The following AREL1 variants were observed in gnomAD, a reference collection of about 807,000 sequenced individuals.
AREL1 encodes apoptosis resistant E3 ubiquitin protein ligase 1.
Under a neutral mutation model 99.0 loss-of-function variants are expected in AREL1, and 62 were observed. The observed-to-expected ratio is 0.63, with a 90% CI of 0.51 to 0.77. The LOEUF is 0.77. Ranked by LOEUF, AREL1 falls within the 30% of genes least tolerant of loss-of-function variation. The pLI, the probability that AREL1 is intolerant of heterozygous loss-of-function variation, is 0.00. For missense variants in AREL1, 879 were observed against 1,027.6 expected, an observed-to-expected ratio of 0.86 and a Z score of 1.98; for synonymous variants, 380 against 376.5, an observed-to-expected ratio of 1.01 and a Z score of -0.11.
chr14:74,677,679 T>C (rs1266307195), intron 5 of AREL1, among the ~76,000 whole-genome samples: 1 of 151,820 alleles, frequency 6.6e-6, no homozygotes, highest in Non-Finnish European at 1.5e-5. Context: ...ATTTTTGTAT[T>C]TTTAGTAGAG....
Position 74,670,746 on chromosome 14 carries a change from C to T in AREL1, c.1608+16G>A. 1 of 1,610,416 alleles carries T rather than the reference C, an allele frequency of 6.2e-7. No homozygotes were observed. The highest frequency in any genetic ancestry group is 8.5e-7 in the Non-Finnish European group (1 of 1,176,696). On this transcript the variant is annotated intron_variant, in intron 13 of 19. Transcript: ENST00000356357. The stretch of plus-strand genomic sequence containing the variant: ...TAACATAATCCACATTTTCCACCCA[C>T]CCGTCACCAACTCACTAATGCTTGG...
Position 74,663,426 on chromosome 14 carries a change from CAGCTACTGAG to C in AREL1, c.*284_*293del, listed in dbSNP as rs2089130847. On this transcript the variant is annotated 3_prime_UTR_variant, in exon 20 of 20. Transcript: ENST00000356357. ...GCTGAGCCCCGTGTGCCATCTCCCT[CAGCTACTGAG>C]ATCTTCAAAGGACCAAATAAATGAT... 2.5e-6 allele frequency: 1 copy of C among 405,406 alleles called. No individual in the cohort carries two copies. 25.1% of individuals were successfully genotyped at this position (405,406 alleles called of 1,614,324 possible).
chr14:74,704,499 C>A (rs2090140397), intron 1 of AREL1, among the ~76,000 whole-genome samples: 1 of 151,888 alleles, frequency 6.6e-6, no homozygotes, highest in Non-Finnish European at 1.5e-5. Flanking sequence ...ATTAGCCCTT[C>A]CAAAGAAGGC....
intron 11 of AREL1, 126 bp downstream of exon 11, chr14:74,672,705 A>C: frequency 7.4e-7 from 1 of 1,353,044 alleles, no homozygotes; most frequent in Non-Finnish European, 1.0e-6. Flanking sequence ...TCTGCACCCC[A>C]GCCTGGGCAA....
intron 17 of AREL1, among the ~76,000 whole-genome samples, chr14:74,667,002 G>A (rs1292435268): frequency 1.3e-5 from 2 of 152,114 alleles, no homozygotes; most frequent in African/African-American, 4.8e-5. Context: ...TTACAGAAGT[G>A]AGCCACCATG....
chr14:74,688,913 T>G (rs2089806970), intron 2 of AREL1, among the ~76,000 whole-genome samples: 1 of 152,196 alleles, frequency 6.6e-6, no homozygotes, highest in South Asian at 2.1e-4. Flanking sequence ...CTTGGCTCTC[T>G]GCAACCTCCA....
intron 4 of AREL1, 42 bp from the exon 5 acceptor site, chr14:74,683,575 A>G (rs558891917): frequency 5.0e-4 from 787 of 1,587,350 alleles, no homozygotes; most frequent in Non-Finnish European, 6.5e-4. Flanking sequence ...CAAGCAGAGG[A>G]AAAAAACATT....
chr14:74,685,216 T>C (rs1038676612), intron 3 of AREL1, among the ~76,000 whole-genome samples: 3 of 152,184 alleles, frequency 2.0e-5, no homozygotes, highest in Non-Finnish European at 2.9e-5. Context: ...CCCTCCCTTG[T>C]GTACTTGGCA....
chr14:74,686,543 C>T (rs570261828), intron 2 of AREL1, among the ~76,000 whole-genome samples: 61 of 152,306 alleles, frequency 4.0e-4, no homozygotes, highest in Middle Eastern at 3.4e-3. Context: ...TTCAAGTCAG[C>T]GTACACTAAG....
intron 5 of AREL1, among the ~76,000 whole-genome samples, chr14:74,681,571 G>A (rs769736747): frequency 1.3e-5 from 2 of 151,964 alleles, no homozygotes; most frequent in East Asian, 1.9e-4. Flanking sequence ...TCAGGAGATC[G>A]AGACCATCCT....
intron 8 of AREL1, 57 bp from the exon 9 acceptor site, chr14:74,674,168 G>A (rs1190649812): frequency 1.4e-6 from 2 of 1,397,148 alleles, no homozygotes; most frequent in African/African-American, 2.8e-5. Context: ...GCTCTATTTG[G>A]GTATTCTAAT....
chr14:74,664,069 C>T lies in AREL1; in HGVS notation c.2199G>A (p.Met733Ile). The T allele has an allele frequency of 1.2e-6, 2 of 1,613,018 alleles. No homozygotes were observed. Among genetic ancestry groups the T allele is most frequent in the Non-Finnish European group, 1.7e-6 (2 of 1,179,386 alleles). ...GGSWHFREKV[M>I]RWFWTVVSSL... ...TGGAAACCACAGTCCAAAACCACCT[C>T]ATGACCTGGCAGGGAGAGCACAAGG... The change falls in exon 19 of 20, where the codon ATG (methionine) becomes ATA (isoleucine). Residue 733 changes from methionine to isoleucine, a missense_variant. Met to Ile is a conservative substitution (Grantham distance 10). Coordinates refer to ENST00000356357, the MANE Select transcript of AREL1 (RefSeq NM_001039479.2).
intron 5 of AREL1, among the ~76,000 whole-genome samples, chr14:74,680,197 GAAAGA>G (rs751212708): frequency 4.0e-5 from 6 of 149,360 alleles, no homozygotes; most frequent in East Asian, 2.0e-4. Flanking sequence ...AAAAAAGAAA[GAAAGA>G]AAAGAAAAGA....
intron 1 of AREL1, among the ~76,000 whole-genome samples, chr14:74,697,984 A>G (rs2090008224): frequency 6.6e-6 from 1 of 152,214 alleles, no homozygotes. Context: ...AGGATGAGTG[A>G]CTGGGGAGAA....
chr14:74,689,587 CTTTTCTTTTT>C (rs2089825687), intron 2 of AREL1, among the ~76,000 whole-genome samples: 2 of 113,742 alleles, frequency 1.8e-5, no homozygotes, highest in Admixed American at 1.0e-4. Flanking sequence ...TCTTATAGCA[CTTTTCTTTTT>C]TTTTTTTTTT....
chr14:74,675,637 C>G, intron 8 of AREL1, 62 bp downstream of exon 8: 1 of 1,565,544 alleles, frequency 6.4e-7, no homozygotes. Flanking sequence ...TTTCTGCTAC[C>G]AAATACCAAT....
rs1048285156 is a variant in AREL1, at chr14:74,672,927, C to T, written c.1326G>A (p.Lys442=). The part of the protein sequence containing the change: ...NIGGSETFQD[K]VNFFQRELRQ... ...GAAGCTCTCGCTGGAAAAAGTTCAC[C>T]TTGTCCTGAAAGGTCTCAGAGCCTC... is the stretch of plus-strand genomic sequence containing the variant. Residue 442 remains lysine (K), a synonymous_variant, in exon 11 of 20, where the codon AAG becomes AAA. Transcript: ENST00000356357. 6.2e-7 allele frequency: 1 copy of T among 1,614,166 alleles called. No homozygotes were observed. Among genetic ancestry groups the T allele is most frequent in the African/African-American group, 1.3e-5 (1 of 75,026 alleles).
At chr14:74,667,643 T>G in intron 15 of AREL1, 49 bp from the exon 16 acceptor site, 1 of 1,548,024 alleles carries the variant, frequency 6.5e-7, no homozygotes, top group Non-Finnish European at 8.7e-7. Context: ...TGGATGGAAA[T>G]TTATGAGATG....
chr14:74,663,834 AG>A lies in AREL1; in HGVS notation c.2370-13del. ...ACAGCTGGTTAAAACTGGAAGGGCA[AG>A]GGAGAAGTGATTAACTCATACCACC... On this transcript the variant is annotated splice_polypyrimidine_tract_variant and intron_variant, in intron 19 of 19. Transcript: ENST00000356357. 1 of 1,614,196 alleles carries A rather than the reference AG, an allele frequency of 6.2e-7. No homozygotes were observed. The highest frequency in any genetic ancestry group is 1.1e-5 in the South Asian group (1 of 91,088).
Sources: gnomAD v4.1 joint callset for allele counts (sites outside exome capture counted in the v4.1 genomes callset) on GRCh38, gnomAD v4.1.1 for gene constraint, MANE v1.5 for transcripts, NCBI Gene and HGNC (gene_info 2026-07-23, HGNC 2026-07-21) for gene names.